The following SLC13A3 variants were observed in gnomAD, a reference collection of about 807,000 sequenced individuals.
The protein encoded by SLC13A3 is solute carrier family 13 member 3, also known as Na(+)/dicarboxylate cotransporter 3.
A neutral mutation model predicts 59.0 loss-of-function variants in SLC13A3; 40 were observed. The ratio of observed to expected loss-of-function variants is 0.68; its 90% CI spans 0.53 to 0.88. The LOEUF (loss-of-function observed/expected upper bound fraction) is 0.88. SLC13A3 is among the 40% of genes least tolerant of loss of function. SLC13A3 has a pLI of 0.00. For missense variants in SLC13A3, 699 were observed against 783.2 expected, an observed-to-expected ratio of 0.89 and a Z score of 1.28; for synonymous variants, 317 against 330.3, an observed-to-expected ratio of 0.96 and a Z score of 0.44.
At position 46,558,612 on chromosome 20, in the gene SLC13A3, G is replaced by C. The variant is rs1456707843; in HGVS notation, c.*1410C>G. 3 of 152,166 alleles carry C rather than the reference G, an allele frequency of 2.0e-5. No individual in the cohort carries two copies. The highest frequency in any genetic ancestry group is 2.1e-4 in the South Asian group (1 of 4,826). The allele number at this position is 152,166 out of a possible 1,614,324, so 9.4% of individuals were successfully genotyped here. A position where few individuals can be genotyped will look rare whatever the true frequency, so the allele number is the denominator to read the frequency against. ...CAACACTGAGTGCTCACTTGGAAAG[G>C]AGGTGGAGCTCAACTTCCAACTCAG... On this transcript the variant is annotated 3_prime_UTR_variant, in exon 13 of 13. Coordinates refer to ENST00000279027, the MANE Select transcript of SLC13A3 (RefSeq NM_022829.6).
chr20:46,614,291 C>T (rs1389247412), intron 1 of SLC13A3, among the ~76,000 whole-genome samples: 1 of 152,158 alleles, frequency 6.6e-6, no homozygotes, highest in Non-Finnish European at 1.5e-5. Context: ...GCATATCATG[C>T]CTTAGAGTTG....
chr20:46,573,376 C>T (rs770399165), intron 10 of SLC13A3, among the ~76,000 whole-genome samples: 3 of 152,160 alleles, frequency 2.0e-5, no homozygotes, highest in South Asian at 2.1e-4. Context: ...TCTGATTACT[C>T]GGACTGCCTC....
intron 1 of SLC13A3, among the ~76,000 whole-genome samples, chr20:46,623,128 T>C (rs1447799246): frequency 6.6e-6 from 1 of 152,190 alleles, no homozygotes; most frequent in Non-Finnish European, 1.5e-5. Flanking sequence ...ATAACCCTGT[T>C]ACCTGGGTGA....
At chr20:46,626,198 A>C (rs1382136107) in intron 1 of SLC13A3, among the ~76,000 whole-genome samples, 489 of 73,486 alleles carry the variant, frequency 6.7e-3, no homozygotes, top group Middle Eastern at 0.011. Context: ...CCTTCTTCCC[A>C]CTCCCTCTGT....
intron 3 of SLC13A3, among the ~76,000 whole-genome samples, chr20:46,608,111 C>T (rs2062453762): frequency 6.6e-6 from 1 of 152,168 alleles, no homozygotes. Flanking sequence ...GTTTGAAAAT[C>T]AAGAAAGCCA....
At chr20:46,632,671 T>C (rs953151575) in intron 1 of SLC13A3, among the ~76,000 whole-genome samples, 10 of 152,108 alleles carry the variant, frequency 6.6e-5, no homozygotes, top group Admixed American at 4.6e-4. Context: ...TGGTTTTCTG[T>C]AAAATGAGGG....
At chr20:46,653,853 T>G (rs1175616288), upstream of SLC13A3, among the ~76,000 whole-genome samples, 4 of 152,264 alleles carry the variant, frequency 2.6e-5, no homozygotes, top group East Asian at 5.8e-4. Context: ...TTGATAGACA[T>G]TGGGTTGTTT....
intron 3 of SLC13A3, among the ~76,000 whole-genome samples, chr20:46,602,947 G>A (rs2062394721): frequency 1.3e-5 from 2 of 152,134 alleles, no homozygotes; most frequent in Non-Finnish European, 2.9e-5. Context: ...GGGAAGCCGA[G>A]GTGGGCAGAT....
chr20:46,598,953 C>T (rs911896601), intron 4 of SLC13A3, among the ~76,000 whole-genome samples: 1 of 152,170 alleles, frequency 6.6e-6, no homozygotes, highest in African/African-American at 2.4e-5. Context: ...ATGGATTCCC[C>T]CACCACTCCC....
intron 1 of SLC13A3, among the ~76,000 whole-genome samples, 187 bp downstream of exon 1, chr20:46,651,124 G>T (rs1381914026): frequency 6.6e-6 from 1 of 152,204 alleles, no homozygotes; most frequent in Non-Finnish European, 1.5e-5. Flanking sequence ...CTAAGGAGCA[G>T]CTGGGAAGAG....
intron 1 of SLC13A3, among the ~76,000 whole-genome samples, chr20:46,625,042 C>T (rs1223547148): frequency 6.6e-6 from 1 of 152,184 alleles, no homozygotes; most frequent in Non-Finnish European, 1.5e-5. Context: ...TAAAGGGAAG[C>T]TGAGGGGCAG....
At chr20:46,606,687 G>A (rs2062440128) in intron 3 of SLC13A3, among the ~76,000 whole-genome samples, 1 of 152,312 alleles carries the variant, frequency 6.6e-6, no homozygotes, top group East Asian at 1.9e-4. Flanking sequence ...AGGAGACAGA[G>A]GAAGACCCTG....
chr20:46,680,040 T>A (rs1162672567), intron 1 of SLC13A3, among the ~76,000 whole-genome samples: 1 of 152,154 alleles, frequency 6.6e-6, no homozygotes, highest in Non-Finnish European at 1.5e-5. Context: ...GTAAAATGGG[T>A]ATGGCAGATG....
At chr20:46,596,486 C>T (rs2062314542) in intron 4 of SLC13A3, 144 bp from the exon 5 acceptor site, 4 of 667,854 alleles carry the variant, frequency 6.0e-6, no homozygotes, top group East Asian at 2.5e-5. Flanking sequence ...AACTCTTCAG[C>T]TCAGATGTTC....
intron 1 of SLC13A3, among the ~76,000 whole-genome samples, chr20:46,634,845 C>T (rs1045741886): frequency 1.3e-5 from 2 of 152,136 alleles, no homozygotes; most frequent in Non-Finnish European, 2.9e-5. Flanking sequence ...TCCCAACTGT[C>T]CAGCTGGTTC....
intron 8 of SLC13A3, among the ~76,000 whole-genome samples, chr20:46,586,149 A>T (rs1301452917): frequency 6.6e-6 from 1 of 152,254 alleles, no homozygotes; most frequent in Non-Finnish European, 1.5e-5. Flanking sequence ...CTACCAAAAA[A>T]TTTAAAATAC....
chr20:46,609,138 T>C, intron 3 of SLC13A3: 1 of 1,471,710 alleles, frequency 6.8e-7, no homozygotes. Flanking sequence ...AATCTTCCTT[T>C]TAAAATACAG....
chr20:46,624,196 G>T (rs992481539), intron 1 of SLC13A3, among the ~76,000 whole-genome samples: 1 of 152,018 alleles, frequency 6.6e-6, no homozygotes, highest in Non-Finnish European at 1.5e-5. Context: ...TCTAGTTCTG[G>T]CTCCTTTCTC....
chr20:46,628,782 C>T (rs1244295359), intron 1 of SLC13A3, among the ~76,000 whole-genome samples: 1 of 152,210 alleles, frequency 6.6e-6, no homozygotes, highest in Non-Finnish European at 1.5e-5. Flanking sequence ...GCTCAACAGC[C>T]ACATGGGACT....
Sources: gnomAD v4.1 joint callset for allele counts (sites outside exome capture counted in the v4.1 genomes callset) on GRCh38, gnomAD v4.1.1 for gene constraint, MANE v1.5 for transcripts, NCBI Gene and HGNC (gene_info 2026-07-23, HGNC 2026-07-21) for gene names.